The following IGF1R variants were observed in gnomAD, a reference collection of about 807,000 sequenced individuals.
The protein encoded by IGF1R is insulin like growth factor 1 receptor, also known as insulin-like growth factor 1 receptor.
In IGF1R, 44 loss-of-function variants were observed where a neutral mutation model predicts 144.6. The ratio of observed to expected loss-of-function variants is 0.30; its 90% CI spans 0.24 to 0.39. The LOEUF is 0.39. IGF1R is among the 10% of genes least tolerant of loss of function. The pLI is 1.00. For missense variants in IGF1R, 1,355 were observed against 1,833.7 expected (o/e 0.74, Z 4.77); for synonymous variants, 795 against 722.8 (o/e 1.10, Z -1.60).
At chr15:98,810,721 C>A (rs943233711) in intron 2 of IGF1R, among the ~76,000 whole-genome samples, 1 of 151,198 alleles carries the variant, frequency 6.6e-6, no homozygotes, top group Non-Finnish European at 1.5e-5. Flanking sequence ...GCTTATTTTT[C>A]GTATTTTTAG....
intron 2 of IGF1R, among the ~76,000 whole-genome samples, chr15:98,857,591 G>C (rs2011899360): frequency 6.6e-6 from 1 of 152,356 alleles, no homozygotes; most frequent in South Asian, 2.1e-4. Context: ...GCACCGTCCA[G>C]TGGAAGTTTC....
intron 2 of IGF1R, among the ~76,000 whole-genome samples, chr15:98,888,173 T>C (rs1022382288): frequency 6.6e-6 from 1 of 152,234 alleles, no homozygotes; most frequent in Non-Finnish European, 1.5e-5. Context: ...GTACTTGCTG[T>C]GTCGTCCGTT....
rs1567224026 is a variant in IGF1R at position 98,957,504 on chromosome 15, G to GA, written c.*63dup. The GA allele has an allele frequency of 4.4e-6, 7 of 1,596,446 alleles. No homozygotes were observed. The Admixed American group carries it at 1.0e-4, about 23-fold the overall frequency. On this transcript the variant is annotated 3_prime_UTR_variant, in exon 21 of 21. Transcript: ENST00000650285. ...GCGCACGCGCAGCGGGGTGGGGGGG[G>GA]AGAGAGAGTTTTAACAATCCATTCA...
chr15:98,823,283 A>C (rs61026091), intron 2 of IGF1R, among the ~76,000 whole-genome samples: 188 of 152,314 alleles, frequency 1.2e-3, no homozygotes, highest in African/African-American at 4.4e-3. Context: ...AATGCAAACA[A>C]AGTTGAATCA....
At chr15:98,655,988 C>A (rs1318175352) in intron 1 of IGF1R, among the ~76,000 whole-genome samples, 2 of 152,256 alleles carry the variant, frequency 1.3e-5, no homozygotes, top group African/African-American at 2.4e-5. Context: ...CCACCGCCCC[C>A]AGCCTACAAG....
chr15:98,675,826 C>CTTT (rs869068918), intron 1 of IGF1R, among the ~76,000 whole-genome samples: 941 of 46,088 alleles, frequency 0.02, 32 homozygotes, highest in African/African-American at 0.038. Context: ...TTCTTTCTTT[C>CTTT]TTTTTTTTTT....
chr15:98,702,033 G>GTTTTTTTTTT (rs35793845), intron 1 of IGF1R, among the ~76,000 whole-genome samples: 1 of 108,714 alleles, frequency 9.2e-6, no homozygotes. Flanking sequence ...GAGTCACGCT[G>GTTTTTTTTTT]TTTTTTTTTT....
At chr15:98,875,216 C>CAAAAAA (rs11302100) in intron 2 of IGF1R, among the ~76,000 whole-genome samples, 1 of 149,884 alleles carries the variant, frequency 6.7e-6, no homozygotes. Context: ...TGAAGAAGGC[C>CAAAAAA]AAAAAAAAAA....
intron 2 of IGF1R, among the ~76,000 whole-genome samples, chr15:98,761,807 A>G (rs889103094): frequency 2.0e-5 from 3 of 152,214 alleles, no homozygotes; most frequent in African/African-American, 7.2e-5. Flanking sequence ...CCATGATGGA[A>G]TATTGGTTGA....
intron 2 of IGF1R, among the ~76,000 whole-genome samples, chr15:98,733,724 T>G (rs1465090106): frequency 6.6e-6 from 1 of 152,178 alleles, no homozygotes; most frequent in East Asian, 1.9e-4. Context: ...TAACAAGATC[T>G]AGGTGGAACA....
At chr15:98,865,145 A>G (rs541167157) in intron 2 of IGF1R, among the ~76,000 whole-genome samples, 1 of 152,224 alleles carries the variant, frequency 6.6e-6, no homozygotes, top group Non-Finnish European at 1.5e-5. Flanking sequence ...TTTGTGTACT[A>G]AGTATATACT....
chr15:98,904,080 TCTCA>T (rs2014611050), intron 5 of IGF1R, among the ~76,000 whole-genome samples: 1 of 134,464 alleles, frequency 7.4e-6, no homozygotes, highest in Non-Finnish European at 1.6e-5. Context: ...TGAGATGGAG[TCTCA>T]CTCTGTCACC....
intron 10 of IGF1R, among the ~76,000 whole-genome samples, chr15:98,920,116 G>T (rs1226731441): frequency 6.6e-6 from 1 of 152,202 alleles, no homozygotes; most frequent in African/African-American, 2.4e-5. Flanking sequence ...GTTGACAGAT[G>T]TTGGAAAGTA....
At chr15:98,731,546 G>C (rs2054497056) in intron 2 of IGF1R, among the ~76,000 whole-genome samples, 1 of 152,190 alleles carries the variant, frequency 6.6e-6, no homozygotes, top group South Asian at 2.1e-4. Context: ...TATCGAAACT[G>C]CAGGTAGTGC....
At chr15:98,834,926 C>G (rs116771645) in intron 2 of IGF1R, among the ~76,000 whole-genome samples, 3,372 of 152,188 alleles carry the variant, frequency 0.022, 132 homozygotes, top group African/African-American at 0.076. Flanking sequence ...TTTGTGGGTC[C>G]AGGGCACGCC....
chr15:98,720,593 A>G (rs1258889515), intron 2 of IGF1R, among the ~76,000 whole-genome samples: 2 of 152,184 alleles, frequency 1.3e-5, no homozygotes, highest in Non-Finnish European at 2.9e-5. Context: ...GAGCTTACTG[A>G]GGGATAACGG....
chr15:98,868,551 ACT>A (rs1034606708), intron 2 of IGF1R, among the ~76,000 whole-genome samples: 3 of 151,594 alleles, frequency 2.0e-5, no homozygotes, highest in African/African-American at 7.3e-5. Context: ...ACGCTAGAAA[ACT>A]CTGTGGCGCA....
chr15:98,694,720 TAG>T (rs2053557907), intron 1 of IGF1R, among the ~76,000 whole-genome samples: 1 of 152,202 alleles, frequency 6.6e-6, no homozygotes, highest in Non-Finnish European at 1.5e-5. Flanking sequence ...TGGAAGAATA[TAG>T]ATTTTCTGGT....
chr15:98,827,819 G>C (rs1452872545), intron 2 of IGF1R, among the ~76,000 whole-genome samples: 1 of 152,188 alleles, frequency 6.6e-6, no homozygotes, highest in African/African-American at 2.4e-5. Context: ...CTGACGTCAT[G>C]ATCCACCTGC....
Sources: gnomAD v4.1 joint callset for allele counts (sites outside exome capture counted in the v4.1 genomes callset) on GRCh38, gnomAD v4.1.1 for gene constraint, MANE v1.5 for transcripts, NCBI Gene and HGNC (gene_info 2026-07-23, HGNC 2026-07-21) for gene names.